The following RBBP8 variants were observed in gnomAD, a reference collection of about 807,000 sequenced individuals.
The protein encoded by RBBP8 is RB binding protein 8, endonuclease, also known as DNA endonuclease RBBP8.
A neutral mutation model predicts 108.3 loss-of-function variants in RBBP8; 88 were observed. The ratio of observed to expected loss-of-function variants is 0.81; its 90% confidence interval spans 0.68 to 0.97. The LOEUF (loss-of-function observed/expected upper bound fraction) is 0.97. Ranked by LOEUF, RBBP8 falls within the 50% of genes least tolerant of loss-of-function variation. RBBP8 has a pLI of 0.00. For missense variants in RBBP8, 1,023 were observed against 1,049.0 expected (o/e 0.98, Z 0.34); for synonymous variants, 332 against 348.2 (o/e 0.95, Z 0.52).
At position 22,989,259 on chromosome 18, in the gene RBBP8, T is replaced by A; in HGVS notation, c.748T>A (p.Ser250Thr). Residue 250 changes from serine (S) to threonine (T), a missense_variant, in exon 9 of 19, where the codon TCT (serine) becomes ACT (threonine). Transcript: ENST00000327155. The part of the protein sequence containing the change: ...GTSSYTPDKS[S>T]FNLATVVAET... ...AAGCAGCTATACCCCTGATAAGTCATCTTTTAATTTAGCTACAGTTGTTGC... is the reference window on the plus strand; with the variant it reads ...AAGCAGCTATACCCCTGATAAGTCAACTTTTAATTTAGCTACAGTTGTTGC... The A allele has an allele frequency of 1.2e-6, 2 of 1,611,190 alleles. No individual in the cohort carries two copies. Among genetic ancestry groups the A allele is most frequent in the Non-Finnish European group, 1.7e-6 (2 of 1,177,622 alleles).
chr18:22,993,208 C>T lies in RBBP8; in HGVS notation c.1381C>T (p.Pro461Ser), dbSNP rs145023425. 6.2e-7 allele frequency: 1 copy of T among 1,614,016 alleles called. No homozygotes were observed. Among genetic ancestry groups the T allele is most frequent in the Non-Finnish European group, 8.5e-7 (1 of 1,180,028 alleles). Reference protein sequence around the residue: ...EEESEHEVSCPQASFDKENAF... With the variant: ...EEESEHEVSCSQASFDKENAF... Reference sequence around the variant, plus strand: ...AGAAAGTGAACATGAAGTAAGCTGCCCCCAAGCTTCTTTTGATAAAGAAAA... The same window carrying T: ...AGAAAGTGAACATGAAGTAAGCTGCTCCCAAGCTTCTTTTGATAAAGAAAA... The change falls in exon 11 of 19, where the codon CCC becomes TCC. Residue 461 changes from proline to serine, a missense_variant. Transcript: ENST00000327155.
At chr18:22,928,367 G>GA (rs1909870700), upstream of RBBP8, among the ~76,000 whole-genome samples, 1 of 152,162 alleles carries the variant, frequency 6.6e-6, no homozygotes, top group Non-Finnish European at 1.5e-5. Context: ...GGCCATTTGT[G>GA]AAAGGGTATA....
chr18:23,026,009 G>T lies in RBBP8; in HGVS notation c.2597-134G>T. On this transcript the variant is annotated intron_variant, in intron 18 of 18. Coordinates refer to ENST00000327155, the MANE Select transcript of RBBP8 (RefSeq NM_002894.3). ...TGCTAAATAGTGAGATCAATCATCA[G>T]CATCACACAGCTAATAATCAGAAGA... 3 of 740,318 alleles carry T rather than the reference G, an allele frequency of 4.1e-6. No individual in the cohort carries two copies. The Admixed American group carries it at 6.4e-5, about 16-fold the overall frequency. The allele number at this position is 740,318 out of a possible 1,614,324, so 45.9% of individuals were successfully genotyped here.
At chr18:22,999,855 A>G (rs1253717978) in intron 14 of RBBP8, among the ~76,000 whole-genome samples, 1 of 152,234 alleles carries the variant, frequency 6.6e-6, no homozygotes, top group Non-Finnish European at 1.5e-5. Context: ...GCAATCACAA[A>G]TCAAACAAAA....
chr18:23,017,515 A>G (rs1278738733), intron 17 of RBBP8, among the ~76,000 whole-genome samples: 2 of 144,838 alleles, frequency 1.4e-5, no homozygotes, highest in Non-Finnish European at 3.0e-5. Flanking sequence ...AAAGCCAGGC[A>G]TGGTGGCGGG....
At chr18:22,972,638 T>G (rs1404421406) in intron 5 of RBBP8, among the ~76,000 whole-genome samples, 1 of 152,072 alleles carries the variant, frequency 6.6e-6, no homozygotes, top group African/African-American at 2.4e-5. Flanking sequence ...GGCCTCGAAC[T>G]CCTAACCTCG....
rs1357503926 is a variant in RBBP8 at position 22,936,832 on chromosome 18, T to C, written c.-20T>C. ...TCAGAAAATATTAAGCAAGTAGAAG[T>C]GTGGAGCATATTAAGCAAGATGAAC... On this transcript the variant is annotated 5_prime_UTR_variant, in exon 2 of 19. Transcript: ENST00000327155. The C allele has an allele frequency of 1.2e-6, 2 of 1,613,586 alleles. No homozygotes were observed. Among genetic ancestry groups the C allele is most frequent in the Non-Finnish European group, 1.7e-6 (2 of 1,179,768 alleles).
At chr18:22,998,522 C>G (rs780185309) in intron 14 of RBBP8, among the ~76,000 whole-genome samples, 4 of 152,220 alleles carry the variant, frequency 2.6e-5, no homozygotes, top group African/African-American at 4.8e-5. Context: ...AACAGCTAGA[C>G]TATGAACAGT....
intron 5 of RBBP8, among the ~76,000 whole-genome samples, chr18:22,972,108 C>G (rs1914140936): frequency 6.6e-6 from 1 of 150,600 alleles, no homozygotes; most frequent in Admixed American, 6.6e-5. Flanking sequence ...GTAATCCCAG[C>G]ACTTTGGGAA....
intron 2 of RBBP8, among the ~76,000 whole-genome samples, chr18:22,943,712 G>T (rs908351157): frequency 6.6e-6 from 1 of 151,872 alleles, no homozygotes; most frequent in African/African-American, 2.4e-5. Flanking sequence ...GTGATGTTAG[G>T]GGTATTATTT....
intron 4 of RBBP8, among the ~76,000 whole-genome samples, chr18:22,963,446 G>A (rs1270153565): frequency 2.0e-5 from 3 of 152,030 alleles, no homozygotes; most frequent in Non-Finnish European, 4.4e-5. Flanking sequence ...TATGCTTAGT[G>A]TTCTTACCAA....
chr18:22,924,582 G>T (rs992359679), intron 3 of RBBP8, among the ~76,000 whole-genome samples: 8 of 152,000 alleles, frequency 5.3e-5, no homozygotes, highest in Admixed American at 3.3e-4. Flanking sequence ...CACCGTACCT[G>T]GCTAATTTGT....
chr18:23,018,420 A>G (rs1598750048), intron 17 of RBBP8, among the ~76,000 whole-genome samples: 1 of 152,062 alleles, frequency 6.6e-6, no homozygotes. Flanking sequence ...CCTTTTATAC[A>G]TTGGCTGTCT....
chr18:22,917,735 T>A (rs1909416589), intron 3 of RBBP8, among the ~76,000 whole-genome samples: 1 of 152,156 alleles, frequency 6.6e-6, no homozygotes, highest in Admixed American at 6.5e-5. Context: ...GCGCAGTGGC[T>A]CACTCCTGTA....
At chr18:22,983,501 T>G (rs139842025) in intron 7 of RBBP8, among the ~76,000 whole-genome samples, 2,215 of 152,318 alleles carry the variant, frequency 0.015, 31 homozygotes, top group South Asian at 0.023. Flanking sequence ...CCGTTGACCT[T>G]TTAGTTTGCT....
chr18:22,962,002 G>A (rs143037331), intron 4 of RBBP8, among the ~76,000 whole-genome samples: 74 of 152,234 alleles, frequency 4.9e-4, no homozygotes, highest in African/African-American at 1.6e-3. Context: ...CTGAGTGATC[G>A]TCTTTTCTGT....
intron 4 of RBBP8, among the ~76,000 whole-genome samples, chr18:22,968,225 A>G (rs1486161366): frequency 6.6e-6 from 1 of 151,924 alleles, no homozygotes; most frequent in East Asian, 1.9e-4. Context: ...AGCGAGCACC[A>G]CCACAGCTGG....
intron 10 of RBBP8, 107 bp from the exon 11 acceptor site, chr18:22,992,641 A>G: frequency 1.1e-6 from 1 of 916,486 alleles, no homozygotes; most frequent in South Asian, 1.7e-5. Context: ...AAGAGAAGCC[A>G]AAAGCTGTAC....
intron 15 of RBBP8, among the ~76,000 whole-genome samples, chr18:23,004,284 T>TATAC (rs1555646413): frequency 6.7e-6 from 1 of 149,894 alleles, no homozygotes; most frequent in Admixed American, 6.7e-5. Flanking sequence ...TATATATATA[T>TATAC]ACACACACAC....
Sources: gnomAD v4.1 joint callset for allele counts (sites outside exome capture counted in the v4.1 genomes callset) on GRCh38, gnomAD v4.1.1 for gene constraint, MANE v1.5 for transcripts, NCBI Gene and HGNC (gene_info 2026-07-23, HGNC 2026-07-21) for gene names.